Variants in ZNF517 observed in about 807,000 individuals in gnomAD.
ZNF517 encodes the protein zinc finger protein 517.
ZNF517 carries 12 observed loss-of-function variants against 12.1 expected under a neutral mutation model. The ratio of observed to expected loss-of-function variants is 0.99; its 90% CI spans 0.63 to 1.61. The LOEUF is 1.61. ZNF517 is among the 40% of genes most tolerant of loss of function. The pLI is 0.00. For synonymous variants in ZNF517, 388 were observed against 310.2 expected, an observed-to-expected ratio of 1.25 and a Z score of -2.63; for missense variants, 781 against 693.2, an observed-to-expected ratio of 1.13 and a Z score of -1.42.
At chr8:144,805,782 AT>A (rs1055824323) in intron 4 of ZNF517, among the ~76,000 whole-genome samples, 67 of 135,266 alleles carry the variant, frequency 5.0e-4, no homozygotes, top group South Asian at 4.8e-4. Flanking sequence ...CGCCCAGCCA[AT>A]TTTTTTTTTT....
At chr8:144,811,881 C>G (rs1392227695), downstream of ZNF517, among the ~76,000 whole-genome samples, 8 of 111,978 alleles carry the variant, frequency 7.1e-5, no homozygotes, top group South Asian at 3.1e-4. Flanking sequence ...GGGAGAGACA[C>G]GGACAGTAAA....
rs1193611674 is a variant in ZNF517 at position 144,807,523 on chromosome 8, A to C, written c.607A>C (p.Lys203Gln). The change falls in exon 5 of 5, where the codon AAG becomes CAG. Residue 203 changes from lysine to glutamine, a missense_variant. Transcript: ENST00000359971. ...GCACCAGATCATCCACACCGGCGCCAAGCCCTTCCAGTGCACAGAGTGCGG... is the reference window on the plus strand; with the variant it reads ...GCACCAGATCATCCACACCGGCGCCCAGCCCTTCCAGTGCACAGAGTGCGG... ...LRHQIIHTGAKPFQCTECGKA... is the reference protein window; with the variant it reads ...LRHQIIHTGAQPFQCTECGKA... 1 of 1,594,768 alleles carries C rather than the reference A, an allele frequency of 6.3e-7. No homozygotes were observed. The highest frequency in any genetic ancestry group is 8.5e-7 in the Non-Finnish European group (1 of 1,171,162).
chr8:144,803,273 T>C (rs1482493519), intron 2 of ZNF517: 7 of 473,058 alleles, frequency 1.5e-5, no homozygotes, highest in Non-Finnish European at 2.7e-5. Context: ...CTCCCTCTCC[T>C]GATGCTGACT....
downstream of ZNF517, chr8:144,810,163 G>A: frequency 2.9e-6 from 2 of 698,514 alleles, no homozygotes; most frequent in Non-Finnish European, 5.2e-6. Context: ...AGCTCAGAAG[G>A]TGGGCCAGGA....
Position 144,808,012 on chromosome 8 carries a change from C to G in ZNF517, c.1096C>G (p.Pro366Ala), listed in dbSNP as rs1827359118. ...GAAQRPQAGD[P>A]PHECPVCGRP... ...TGCGCAGAGGCCCCAGGCGGGGGAC[C>G]CGCCCCACGAGTGCCCGGTGTGCGG... Residue 366 changes from proline (P) to alanine (A), a missense_variant, in exon 5 of 5, where the codon CCG becomes GCG. Transcript: ENST00000359971. 5 of 1,576,910 alleles carry G rather than the reference C, an allele frequency of 3.2e-6. No individual in the cohort carries two copies. The highest frequency in any genetic ancestry group is 1.7e-4 in the Middle Eastern group (1 of 5,940).
chr8:144,812,890 C>G (rs775330123), downstream of ZNF517, among the ~76,000 whole-genome samples: 1 of 152,114 alleles, frequency 6.6e-6, no homozygotes, highest in Non-Finnish European at 1.5e-5. Context: ...CAAACAAATT[C>G]AGTAAAGTTG....
chr8:144,810,281 G>C (rs150093949), downstream of ZNF517: 330 of 599,216 alleles, frequency 5.5e-4, no homozygotes, highest in African/African-American at 5.4e-3. Flanking sequence ...AGGGGGGATT[G>C]AGTTACCTGC....
Position 144,808,327 on chromosome 8 carries a change from C to T in ZNF517, c.1411C>T (p.Gln471Ter), listed in dbSNP as rs1586767725. 2.0e-6 allele frequency: 3 copies of T among 1,507,734 alleles called. No homozygotes were observed. Among genetic ancestry groups the T allele is most frequent in the South Asian group, 1.3e-5 (1 of 76,816 alleles). 93.4% of individuals were successfully genotyped at this position (1,507,734 alleles called of 1,614,324 possible). Reference sequence around the variant, plus strand: ...CCGGCTGTCCACCCTCATCCAGCACCAGAAGGTGCACGGCCGCGAGCCCGG... The same window carrying T: ...CCGGCTGTCCACCCTCATCCAGCACTAGAAGGTGCACGGCCGCGAGCCCGG... ...CSRLSTLIQH[Q>*]KVHGREPGED... Residue 471 changes from glutamine (Q) to a stop codon, truncating the protein, a stop_gained, in exon 5 of 5, where the codon CAG becomes TAG. Coordinates refer to ENST00000359971, the MANE Select transcript of ZNF517 (RefSeq NM_213605.3). LOFTEE classifies it low-confidence loss of function (END_TRUNC).
At chr8:144,811,722 G>A (rs932410730), downstream of ZNF517, among the ~76,000 whole-genome samples, 1 of 137,512 alleles carries the variant, frequency 7.3e-6, no homozygotes, top group Non-Finnish European at 1.5e-5. Context: ...AGCAAAGGCT[G>A]AGACAGGGTG....
intron 3 of ZNF517, 62 bp downstream of exon 3, chr8:144,803,829 G>C: frequency 6.3e-7 from 1 of 1,574,996 alleles, no homozygotes; most frequent in South Asian, 1.2e-5. Flanking sequence ...TTCAAAGGAA[G>C]TTGGTTCCAT....
chr8:144,810,617 C>T (rs1023884720), downstream of ZNF517: 7 of 190,414 alleles, frequency 3.7e-5, no homozygotes, highest in East Asian at 2.4e-4. Flanking sequence ...AGCTGTGCCA[C>T]GATCCCTTCC....
rs1414039780 is a variant in ZNF517 at position 144,808,040 on chromosome 8, G to T, written c.1124G>T (p.Arg375Met). 6.2e-7 allele frequency: 1 copy of T among 1,600,518 alleles called. No individual in the cohort carries two copies. Among genetic ancestry groups the T allele is most frequent in the African/African-American group, 1.3e-5 (1 of 74,720 alleles). The change falls in exon 5 of 5, where the codon AGG (arginine) becomes ATG (methionine). Residue 375 changes from arginine to methionine, a missense_variant. Transcript: ENST00000359971. ...DPPHECPVCG[R>M]PFRHNSLLLL... ...CCCCACGAGTGCCCGGTGTGCGGGA[G>T]GCCGTTCCGACACAACTCCCTGCTG...
chr8:144,802,489 C>A (rs1220154000), intron 1 of ZNF517, among the ~76,000 whole-genome samples: 1 of 152,196 alleles, frequency 6.6e-6, no homozygotes, highest in Non-Finnish European at 1.5e-5. Context: ...GGGGTACAGA[C>A]CAGAGGCCTT....
At position 144,808,656 on chromosome 8, in the gene ZNF517, G is replaced by A. The variant is rs1827421547; in HGVS notation, c.*261G>A. ...CGGAAATGTCCAGGAGCGGGCAGAA[G>A]GGAGAGAGGGAGGGGCAGCTATGCT... On this transcript the variant is annotated 3_prime_UTR_variant, in exon 5 of 5. Transcript: ENST00000359971. 7.6e-6 allele frequency: 3 copies of A among 396,094 alleles called. No individual in the cohort carries two copies. The highest frequency in any genetic ancestry group is 8.1e-5 in the South Asian group (1 of 12,310). The allele number at this position is 396,094 out of a possible 1,614,324, so 24.5% of individuals were successfully genotyped here. A position where few individuals can be genotyped will look rare whatever the true frequency, so the allele number is the denominator to read the frequency against.
At chr8:144,813,331 A>G (rs954066800), downstream of ZNF517, among the ~76,000 whole-genome samples, 3 of 151,822 alleles carry the variant, frequency 2.0e-5, no homozygotes, top group East Asian at 3.9e-4. Context: ...AAAAAAAAAA[A>G]AAAAGAAAAT....
chr8:144,808,078 C>G lies in ZNF517; in HGVS notation c.1162C>G (p.Arg388Gly), dbSNP rs981888968. The G allele has an allele frequency of 1.2e-6, 2 of 1,610,318 alleles. No individual in the cohort carries two copies. The highest frequency in any genetic ancestry group is 2.7e-5 in the African/African-American group (2 of 74,794). Residue 388 changes from arginine (R) to glycine (G), a missense_variant, in exon 5 of 5, where the codon CGC becomes GGC. Arg to Gly is a moderately radical substitution (Grantham distance 125, BLOSUM62 -2). Coordinates refer to ENST00000359971, the MANE Select transcript of ZNF517 (RefSeq NM_213605.3). Reference protein sequence around the residue: ...RHNSLLLLHLRLHTGEKPFEC... With the variant: ...RHNSLLLLHLGLHTGEKPFEC... ...CAACTCCCTGCTGCTGCTGCACCTG[C>G]GCCTACACACGGGCGAGAAGCCGTT...
At chr8:144,804,858 C>T (rs999293695) in intron 4 of ZNF517, among the ~76,000 whole-genome samples, 2 of 152,218 alleles carry the variant, frequency 1.3e-5, no homozygotes, top group Admixed American at 1.3e-4. Context: ...ATTTTAATGA[C>T]TTTTAGTACT....
intron 3 of ZNF517, 35 bp from the exon 4 acceptor site, chr8:144,804,090 T>C: frequency 3.7e-6 from 6 of 1,603,240 alleles, no homozygotes; most frequent in Non-Finnish European, 5.1e-6. Context: ...CTCCCTCCTG[T>C]ACTGATACGT....
Position 144,807,686 on chromosome 8 carries a change from G to A in ZNF517, c.770G>A (p.Arg257His), listed in dbSNP as rs771769128. ...GCTGCCCACCACCGCGTCCACACCC[G>A]CGAGCGGCCCTACGCATGCGGCGAG... ...QLAAHHRVHT[R>H]ERPYACGECG... Residue 257 changes from arginine (R) to histidine (H), a missense_variant, in exon 5 of 5, where the codon CGC becomes CAC. Physicochemically the swap from Arg to His is conservative, Grantham distance 29. Coordinates refer to ENST00000359971, the MANE Select transcript of ZNF517 (RefSeq NM_213605.3). 4.3e-6 allele frequency: 7 copies of A among 1,610,396 alleles called. No individual in the cohort carries two copies. In the African/African-American group the frequency reaches 9.3e-5, roughly 22 times the overall value.
Sources: gnomAD v4.1 joint callset for allele counts (sites outside exome capture counted in the v4.1 genomes callset) on GRCh38, gnomAD v4.1.1 for gene constraint, MANE v1.5 for transcripts, NCBI Gene and HGNC (gene_info 2026-07-23, HGNC 2026-07-21) for gene names.